The following IFT46 variants were observed in gnomAD, a reference collection of about 807,000 sequenced individuals.
The protein encoded by IFT46 is intraflagellar transport protein 46 homolog.
A neutral mutation model predicts 39.6 loss-of-function variants in IFT46; 19 were observed. The observed-to-expected ratio is 0.48, with a 90% confidence interval of 0.33 to 0.70. IFT46 has a LOEUF of 0.70. Ranked by LOEUF, IFT46 falls within the 30% of genes least tolerant of loss-of-function variation. The pLI is 0.01. For synonymous variants in IFT46, 117 were observed against 134.8 expected (o/e 0.87, Z 0.91); for missense variants, 334 against 364.8 (o/e 0.92, Z 0.69).
chr11:118,547,017 A>T (rs782389541), intron 9 of IFT46: 14 of 152,224 alleles, frequency 9.2e-5, no homozygotes, highest in Non-Finnish European at 1.9e-4. Flanking sequence ...TATCACTGAT[A>T]TTTCTTCATA....
chr11:118,546,354 G>C lies in IFT46; in HGVS notation c.673-501C>G, dbSNP rs1050763243. On this transcript the variant is annotated intron_variant, in intron 9 of 11. Coordinates refer to ENST00000264021, the MANE Select transcript of IFT46 (RefSeq NM_001168618.2). ...CTCTACAAAAAAATTAGCCGGGTGT[G>C]GTGTTGAGTATCTGTAGTCCCAGCT... is the stretch of plus-strand genomic sequence containing the variant. The C allele has an allele frequency of 7.1e-6, 4 of 562,126 alleles. No individual in the cohort carries two copies. The South Asian group carries it at 8.2e-5, about 12-fold the overall frequency. The allele number at this position is 562,126 out of a possible 1,614,324, so 34.8% of individuals were successfully genotyped here. A position where few individuals can be genotyped will look rare whatever the true frequency, so the allele number is the denominator to read the frequency against.
At chr11:118,561,030 T>TGGA (rs1565350647) in intron 2 of IFT46, 1 of 1,512,334 alleles carries the variant, frequency 6.6e-7, no homozygotes, top group African/African-American at 1.4e-5. Context: ...AGGTTTGGCA[T>TGGA]GGACAAGATC....
At chr11:118,545,911 ACT>A (rs538187192) in intron 9 of IFT46, 58 bp from the exon 10 acceptor site, 263 of 1,439,496 alleles carry the variant, frequency 1.8e-4, no homozygotes, top group Non-Finnish European at 2.3e-4. Flanking sequence ...TCCCAGAACC[ACT>A]CTCTCTCTCT....
chr11:118,573,699 T>A (rs1555072894), upstream of IFT46: 1 of 701,884 alleles, frequency 1.4e-6, no homozygotes, highest in Non-Finnish European at 2.6e-6. Flanking sequence ...TAAGTTCTAT[T>A]GACAACCCTT....
At chr11:118,549,619 G>C (rs1591361121) in intron 9 of IFT46, among the ~76,000 whole-genome samples, 3 of 150,682 alleles carry the variant, frequency 2.0e-5, no homozygotes, top group Middle Eastern at 3.4e-3. Context: ...CTGCCTCCCA[G>C]GTTCAAGCGA....
upstream of IFT46, among the ~76,000 whole-genome samples, chr11:118,567,479 G>A (rs1487350686): frequency 1.3e-5 from 2 of 152,122 alleles, no homozygotes; most frequent in African/African-American, 2.4e-5. Flanking sequence ...AGGAGGCTGC[G>A]GCAGGAGAAT....
At position 118,559,978 on chromosome 11, in the gene IFT46, A is replaced by T. The variant is rs555159690; in HGVS notation, c.-35-114T>A. On this transcript the variant is annotated intron_variant, in intron 2 of 11. Transcript: ENST00000264021. ...CATTTTATAAAACAAGGTTTATTGG[A>T]ACATCTGGCTAAAGAGACAGGAGAC... 258 of 653,776 alleles carry T rather than the reference A, an allele frequency of 3.9e-4. 3 individuals are homozygous for T. The South Asian group carries it at 4.2e-3, about 11-fold the overall frequency. 40.5% of individuals were successfully genotyped at this position (653,776 alleles called of 1,614,324 possible).
upstream of IFT46, among the ~76,000 whole-genome samples, chr11:118,575,411 G>GGTGTGTGTGT (rs56934953): frequency 0.013 from 1,888 of 149,168 alleles, 43 homozygotes; most frequent in East Asian, 0.077. Flanking sequence ...ACTGATAACG[G>GGTGTGTGTGT]GTGTGTGTGT....
At position 118,556,983 on chromosome 11, in the gene IFT46, A is replaced by G. The variant is rs1937860012; in HGVS notation, c.108T>C (p.Asp36=). 1.2e-6 allele frequency: 2 copies of G among 1,611,932 alleles called. No homozygotes were observed. The highest frequency in any genetic ancestry group is 1.7e-6 in the Non-Finnish European group (2 of 1,178,506). Residue 36 remains aspartate, a synonymous_variant, in exon 4 of 12, where the codon GAT becomes GAC. Coordinates refer to ENST00000264021, the MANE Select transcript of IFT46 (RefSeq NM_001168618.2). ...QRGFSENEDD[D]DDDDDSSETD... is the part of the protein sequence containing the mutation. ...TTTCAGATGAATCATCATCATCATC[A>G]TCGTCATCCTCATTTTCACTAAAGC...
At chr11:118,570,396 A>T (rs1591375755), upstream of IFT46, among the ~76,000 whole-genome samples, 1 of 152,062 alleles carries the variant, frequency 6.6e-6, no homozygotes, top group East Asian at 1.9e-4. Context: ...TCTACCACTT[A>T]CTAGTTGTGT....
upstream of IFT46, chr11:118,573,658 A>G (rs781991448): frequency 2.6e-5 from 18 of 702,722 alleles, no homozygotes; most frequent in South Asian, 2.7e-4. Context: ...TACCTGAGAG[A>G]TGGCAGAATG....
upstream of IFT46, chr11:118,566,075 T>C (rs782526121): frequency 1.3e-5 from 2 of 152,236 alleles, no homozygotes; most frequent in Non-Finnish European, 2.9e-5. Context: ...CCTGTTTGTC[T>C]ATGGTTTCAG....
At chr11:118,564,743 C>T (rs1337802442) in intron 2 of IFT46, among the ~76,000 whole-genome samples, 3 of 151,940 alleles carry the variant, frequency 2.0e-5, no homozygotes, top group Admixed American at 2.0e-4. Flanking sequence ...GTGAGCAAAG[C>T]AGTAACATGA....
intron 2 of IFT46, chr11:118,560,434 T>TGGGAG (rs1160267059): frequency 1.5e-4 from 9 of 58,440 alleles, no homozygotes; most frequent in Non-Finnish European, 2.3e-4. Flanking sequence ...AGAAACGGAA[T>TGGGAG]GGGAGGGGAA....
intron 9 of IFT46, among the ~76,000 whole-genome samples, chr11:118,549,206 T>C (rs1173809843): frequency 6.7e-6 from 1 of 149,270 alleles, no homozygotes; most frequent in Non-Finnish European, 1.5e-5. Flanking sequence ...GCTCCTTTTT[T>C]CTTTTCTTTT....
Position 118,545,808 on chromosome 11 carries a change from T to C in IFT46, c.718A>G (p.Ile240Val), listed in dbSNP as rs1951669552. 1 of 1,614,064 alleles carries C rather than the reference T, an allele frequency of 6.2e-7. No homozygotes were observed. The highest frequency in any genetic ancestry group is 8.5e-7 in the Non-Finnish European group (1 of 1,180,030). Residue 240 changes from isoleucine (I) to valine (V), a missense_variant, in exon 10 of 12, where the codon ATT becomes GTT. Physicochemically the swap from Ile to Val is conservative, Grantham distance 29. Coordinates refer to ENST00000264021, the MANE Select transcript of IFT46 (RefSeq NM_001168618.2). ...AGGAACTCACCACAGATCATGTCAA[T>C]GTACTCTGCCAGGCTGCAATCAATC... ...AEIDCSLAEY[I>V]DMICAILDIP...
intron 9 of IFT46, among the ~76,000 whole-genome samples, chr11:118,549,012 T>C (rs1951760266): frequency 6.6e-6 from 1 of 151,676 alleles, no homozygotes; most frequent in Non-Finnish European, 1.5e-5. Context: ...TTCTCCTGCC[T>C]CAGCCTCCTG....
At chr11:118,547,543 T>C (rs1469571034) in intron 9 of IFT46, among the ~76,000 whole-genome samples, 1 of 151,940 alleles carries the variant, frequency 6.6e-6, no homozygotes, top group Non-Finnish European at 1.5e-5. Context: ...CTCAGCCTCC[T>C]GAGTAGCTGG....
rs376675582 is a variant in IFT46, at chr11:118,572,880, AC to A, written c.-418del. On this transcript the variant is annotated 5_prime_UTR_variant, in exon 1 of 6. Transcript: ENST00000528378. The stretch of plus-strand genomic sequence containing the variant: ...TGGTGGTGCGGGTCCCAGGCTGCGG[AC>A]CTCGGAACTGATGCTGTCCCGCCGG... The A allele has an allele frequency of 3.9e-3, 1,387 of 356,778 alleles. 16 individuals are homozygous for A. The highest frequency in any genetic ancestry group is 0.024 in the African/African-American group (1,144 of 47,796). 22.1% of individuals were successfully genotyped at this position (356,778 alleles called of 1,614,324 possible).
Sources: allele counts gnomAD v4.1 joint callset (sites outside exome capture counted in the v4.1 genomes callset), GRCh38; gene constraint gnomAD v4.1.1; transcripts MANE v1.5; gene names NCBI Gene and HGNC (gene_info 2026-07-23, HGNC 2026-07-21).